SEMA3E: variants seen among roughly 807,000 people sequenced by gnomAD.
The protein encoded by SEMA3E is semaphorin-3E.
A neutral mutation model predicts 93.6 loss-of-function variants in SEMA3E; 49 were observed. That is an observed-to-expected ratio of 0.52 (90% CI 0.42 to 0.66). The LOEUF (loss-of-function observed/expected upper bound fraction) is 0.66. Ranked by LOEUF, SEMA3E falls within the 30% of genes least tolerant of loss-of-function variation. The probability of loss-of-function intolerance (pLI) is 0.00; values close to 1 mark genes in which losing one functional copy is unlikely to be tolerated. For missense variants in SEMA3E, 906 were observed against 964.8 expected (o/e 0.94, Z 0.81); for synonymous variants, 363 against 330.7 (o/e 1.10, Z -1.06).
rs569875388 is a variant in SEMA3E, at chr7:83,476,184, T to C, written c.277-6882A>G. Among the ~76,000 whole-genome samples, 6 of 152,364 alleles carry C rather than the reference T, an allele frequency of 3.9e-5. No homozygotes were observed. The East Asian group carries it at 1.2e-3, about 29-fold the overall frequency. On this transcript the variant is annotated intron_variant, in intron 2 of 16. Transcript: ENST00000643230. ...CCATTGATTGGCTTGTATCAGTCAA[T>C]ATGCCTTTTATCACATTCTTAGTGA...
In SEMA3E at chr7:83,531,473, T is replaced by A. The variant is rs548113170; in HGVS notation, c.116-41199A>T. On this transcript the variant is annotated intron_variant, in intron 1 of 16. Coordinates refer to ENST00000643230, the MANE Select transcript of SEMA3E (RefSeq NM_012431.3). ...GTGATTCTCCTGCCTCAGCCTCTGG[T>A]TCCAGAGTAGCTGGGATTACAGGTG... Among the ~76,000 whole-genome samples the A allele has an allele frequency of 2.5e-4, 38 of 150,380 alleles. No homozygotes were observed. The East Asian group carries it at 7.4e-3, about 29-fold the overall frequency.
intron 2 of SEMA3E, among the ~76,000 whole-genome samples, chr7:83,469,866 G>A (rs1050472388): frequency 5.9e-5 from 9 of 151,562 alleles, no homozygotes; most frequent in Admixed American, 4.6e-4. Flanking sequence ...GTGTGATCTC[G>A]GCTCATTGCA....
At position 83,366,485 on chromosome 7, in the gene SEMA3E, T is replaced by C. The variant is rs1794670508; in HGVS notation, c.*1101A>G. ...AATTTGATATTTGAGAGCAAATCAC[T>C]TTAATATTTTTTTCACAAATAAAAC... is the stretch of plus-strand genomic sequence containing the variant. On this transcript the variant is annotated 3_prime_UTR_variant, in exon 17 of 17. Transcript: ENST00000643230. 1 of 151,994 alleles carries C rather than the reference T, an allele frequency of 6.6e-6. No homozygotes were observed. Among genetic ancestry groups the C allele is most frequent in the South Asian group, 2.1e-4 (1 of 4,830 alleles). The allele number at this position is 151,994 out of a possible 1,614,324, so 9.4% of individuals were successfully genotyped here.
intron 1 of SEMA3E, among the ~76,000 whole-genome samples, chr7:83,565,351 C>T (rs1025467839): frequency 1.3e-5 from 2 of 151,960 alleles, no homozygotes; most frequent in African/African-American, 4.8e-5. Flanking sequence ...AATGAGAACA[C>T]GTGGACACAG....
intron 1 of SEMA3E, among the ~76,000 whole-genome samples, chr7:83,615,577 T>G (rs1362965639): frequency 6.6e-6 from 1 of 152,016 alleles, no homozygotes; most frequent in East Asian, 1.9e-4. Flanking sequence ...GGTTAAAAAA[T>G]ACATGAAACT....
At chr7:83,549,373 C>T (rs752262619) in intron 1 of SEMA3E, among the ~76,000 whole-genome samples, 21 of 152,212 alleles carry the variant, frequency 1.4e-4, no homozygotes, top group Non-Finnish European at 2.5e-4. Flanking sequence ...AGTTAGAGTC[C>T]TGGTTTTACC....
chr7:83,591,245 T>C (rs915141597), intron 1 of SEMA3E, among the ~76,000 whole-genome samples: 1 of 151,870 alleles, frequency 6.6e-6, no homozygotes, highest in Non-Finnish European at 1.5e-5. Flanking sequence ...ATTTTTAAAG[T>C]ATTTTGAGTG....
intron 1 of SEMA3E, among the ~76,000 whole-genome samples, chr7:83,587,888 T>G (rs1792665019): frequency 6.6e-6 from 1 of 152,100 alleles, no homozygotes; most frequent in Admixed American, 6.6e-5. Context: ...AATATTTAAA[T>G]GCTATTCTTA....
At chr7:83,595,165 T>C (rs533652231) in intron 1 of SEMA3E, among the ~76,000 whole-genome samples, 2 of 152,162 alleles carry the variant, frequency 1.3e-5, no homozygotes, top group Admixed American at 1.3e-4. Flanking sequence ...TCGCCTACTT[T>C]CAAGATTTCT....
intron 1 of SEMA3E, among the ~76,000 whole-genome samples, chr7:83,589,573 T>A (rs2115939935): frequency 6.6e-6 from 1 of 152,170 alleles, no homozygotes; most frequent in South Asian, 2.1e-4. Context: ...CATATAAAAC[T>A]TTACATCGTT....
chr7:83,551,676 GA>G (rs1001155589), intron 1 of SEMA3E, among the ~76,000 whole-genome samples: 3 of 152,064 alleles, frequency 2.0e-5, no homozygotes, highest in African/African-American at 7.2e-5. Context: ...AACAATAACA[GA>G]ACTCAGAGCA....
chr7:83,562,419 G>C (rs1036162359), intron 1 of SEMA3E, among the ~76,000 whole-genome samples: 2 of 151,842 alleles, frequency 1.3e-5, no homozygotes, highest in Non-Finnish European at 2.9e-5. Context: ...TATACTTTCA[G>C]GGCTACAGGT....
chr7:83,590,672 A>G (rs552512615), intron 1 of SEMA3E, among the ~76,000 whole-genome samples: 14 of 152,308 alleles, frequency 9.2e-5, no homozygotes, highest in African/African-American at 3.1e-4. Context: ...ATGGAAAGAA[A>G]CAGTCTTCCA....
At chr7:83,389,709 T>C (rs542558073) in intron 14 of SEMA3E, among the ~76,000 whole-genome samples, 14 of 148,538 alleles carry the variant, frequency 9.4e-5, no homozygotes, top group Admixed American at 4.8e-4. Context: ...CACACATATA[T>C]ACACGTATAT....
At chr7:83,474,095 TA>T (rs11324407) in intron 2 of SEMA3E, among the ~76,000 whole-genome samples, 23,169 of 108,602 alleles carry the variant, frequency 0.21, 2,215 homozygotes, top group African/African-American at 0.33. Flanking sequence ...CTATCTCAAT[TA>T]AAAAAAAAAA....
chr7:83,648,360 C>CTT, intron 1 of SEMA3E, 68 bp downstream of exon 1: 1 of 1,213,126 alleles, frequency 8.2e-7, no homozygotes, highest in Non-Finnish European at 1.2e-6. Context: ...TGTTAAACGA[C>CTT]TTTTTTTTTC....
intron 1 of SEMA3E, among the ~76,000 whole-genome samples, chr7:83,518,316 A>C (rs1342007352): frequency 3.3e-5 from 5 of 151,754 alleles, no homozygotes; most frequent in Admixed American, 1.3e-4. Context: ...TCATTAGCTC[A>C]GAAAAAAAAA....
intron 1 of SEMA3E, among the ~76,000 whole-genome samples, chr7:83,562,573 A>G (rs994694324): frequency 1.3e-5 from 2 of 151,842 alleles, no homozygotes; most frequent in African/African-American, 2.4e-5. Context: ...ATCCTCCCCT[A>G]GCTATTCCCT....
rs1794109853 is a variant in SEMA3E, at chr7:83,648,478, C to T, written c.65G>A (p.Gly22Glu). ...GTGGGTAGTATCAGCTGTATGACCT[C>T]CTGTCCAAAGCTCCAGTAAGTAACC... ...LWGYLLELWT[G>E]GHTADTTHPR... The change falls in exon 1 of 17, where the codon GGA (glycine) becomes GAA (glutamate). Residue 22 changes from glycine to glutamate, a missense_variant. By Grantham distance (98) the Gly-to-Glu change is moderately conservative. Coordinates refer to ENST00000643230, the MANE Select transcript of SEMA3E (RefSeq NM_012431.3). The T allele has an allele frequency of 6.2e-7, 1 of 1,612,288 alleles. No individual in the cohort carries two copies. Among genetic ancestry groups the T allele is most frequent in the African/African-American group, 1.3e-5 (1 of 74,250 alleles).
Sources: allele counts gnomAD v4.1 joint callset (sites outside exome capture counted in the v4.1 genomes callset), GRCh38; gene constraint gnomAD v4.1.1; transcripts MANE v1.5; gene names NCBI Gene and HGNC (gene_info 2026-07-23, HGNC 2026-07-21).